Variants in BCO2 observed in about 807,000 individuals in gnomAD.
BCO2 encodes carotenoid-cleaving dioxygenase, mitochondrial.
A neutral mutation model predicts 65.8 loss-of-function variants in BCO2; 56 were observed. The ratio of observed to expected loss-of-function variants is 0.85; its 90% CI spans 0.69 to 1.06. BCO2 has a LOEUF of 1.06. Ranked by LOEUF, BCO2 falls within the 50% of genes least tolerant of loss-of-function variation. The pLI, the probability that BCO2 is intolerant of heterozygous loss-of-function variation, is 0.00. For synonymous variants in BCO2, 233 were observed against 242.3 expected, an observed-to-expected ratio of 0.96 and a Z score of 0.36; for missense variants, 675 against 698.5, an observed-to-expected ratio of 0.97 and a Z score of 0.38.
chr11:112,214,680 G>C (rs1859606163), intron 9 of BCO2, 82 bp from the exon 10 acceptor site: 1 of 1,128,328 alleles, frequency 8.9e-7, no homozygotes, highest in African/African-American at 1.6e-5. Flanking sequence ...ACCTTTATAG[G>C]GTATGAGGCT....
At chr11:112,176,496 T>C (rs923908532) in intron 1 of BCO2, 2 of 107,038 alleles carry the variant, frequency 1.9e-5, no homozygotes, top group Non-Finnish European at 3.4e-5. Flanking sequence ...GGAAATATCC[T>C]AGATGAAGAA....
rs759558199 is a variant in BCO2 at position 112,217,870 on chromosome 11, T to A, written c.1736T>A (p.Ile579Asn). 6.2e-7 allele frequency: 1 copy of A among 1,602,780 alleles called. No homozygotes were observed. Among genetic ancestry groups the A allele is most frequent in the South Asian group, 1.1e-5 (1 of 90,254 alleles). The change falls in exon 12 of 12, where the codon ATC becomes AAC. Residue 579 changes from isoleucine (I) to asparagine (N), a missense_variant. Transcript: ENST00000357685. Reference sequence around the variant, plus strand: ...GGGTTCCATGGTACCTTCATACCCATCTGATGGGACAACCACAAGGTCTGG... The same window carrying A: ...GGGTTCCATGGTACCTTCATACCCAACTGATGGGACAACCACAAGGTCTGG... Reference protein sequence around the residue: ...PYGFHGTFIPI With the variant: ...PYGFHGTFIPN
intron 11 of BCO2, among the ~76,000 whole-genome samples, chr11:112,216,884 T>C (rs890778559): frequency 6.6e-6 from 1 of 152,198 alleles, no homozygotes; most frequent in South Asian, 2.1e-4. Flanking sequence ...TAATTATTAG[T>C]GGCTGCCTGG....
In BCO2 at chr11:112,199,718, T is replaced by G. The variant is rs1449760579; in HGVS notation, c.756T>G (p.Ile252Met). The G allele has an allele frequency of 1.9e-6, 3 of 1,613,624 alleles. No homozygotes were observed. Among genetic ancestry groups the G allele is most frequent in the Non-Finnish European group, 2.5e-6 (3 of 1,179,642 alleles). ...FGPYGFSYKVIRVPPEKVDLG... is the reference protein window; with the variant it reads ...FGPYGFSYKVMRVPPEKVDLG... Reference sequence around the variant, plus strand: ...TTTCAGGTTTCTCCTATAAGGTTATTCGGGTTCCTCCAGAGAAGGTGGACC... The same window carrying G: ...TTTCAGGTTTCTCCTATAAGGTTATGCGGGTTCCTCCAGAGAAGGTGGACC... The change falls in exon 6 of 12, where the codon ATT becomes ATG. Residue 252 changes from isoleucine (I) to methionine (M), a missense_variant. By Grantham distance (10) the Ile-to-Met change is conservative (BLOSUM62 1). Transcript: ENST00000357685.
chr11:112,176,331 T>C (rs1345618845), intron 1 of BCO2: 1 of 151,994 alleles, frequency 6.6e-6, no homozygotes, highest in Non-Finnish European at 1.5e-5. Context: ...TAAGATAAGG[T>C]CCATATGAGA....
intron 7 of BCO2, 107 bp downstream of exon 7, chr11:112,200,880 C>G (rs1027674283): frequency 8.1e-7 from 1 of 1,232,804 alleles, no homozygotes; most frequent in African/African-American, 1.5e-5. Context: ...GCATAAGACA[C>G]TTTTAATCAA....
chr11:112,183,291 A>T, intron 2 of BCO2: 1 of 654,860 alleles, frequency 1.5e-6, no homozygotes, highest in Non-Finnish European at 2.8e-6. Flanking sequence ...ATAACACTAT[A>T]AGGAAATTTT....
chr11:112,180,425 C>G (rs1248894518), intron 2 of BCO2, among the ~76,000 whole-genome samples: 1 of 152,114 alleles, frequency 6.6e-6, no homozygotes, highest in Non-Finnish European at 1.5e-5. Flanking sequence ...AAGCTCTGTT[C>G]CCCCACTAGA....
At chr11:112,177,302 G>A (rs1481371357) in intron 1 of BCO2, among the ~76,000 whole-genome samples, 2 of 152,146 alleles carry the variant, frequency 1.3e-5, no homozygotes, top group Non-Finnish European at 2.9e-5. Flanking sequence ...ATTTTAGTAT[G>A]CTTAAGAATA....
chr11:112,197,667 A>G (rs565706733), intron 5 of BCO2, among the ~76,000 whole-genome samples: 2 of 152,184 alleles, frequency 1.3e-5, no homozygotes, highest in Non-Finnish European at 2.9e-5. Flanking sequence ...TCTCACTTGA[A>G]TGACTGCAAT....
In BCO2 at chr11:112,214,899, G is replaced by C. The variant is rs1566802403; in HGVS notation, c.1470G>C (p.Val490=). 1 of 1,614,168 alleles carries C rather than the reference G, an allele frequency of 6.2e-7. No individual in the cohort carries two copies. The highest frequency in any genetic ancestry group is 8.5e-7 in the Non-Finnish European group (1 of 1,180,010). ...ATGGCTGTGGCTTTCGGCATTTAGTGGGGGATTCTCTGATCAAGGTTGATG... is the reference window on the plus strand; with the variant it reads ...ATGGCTGTGGCTTTCGGCATTTAGTCGGGGATTCTCTGATCAAGGTTGATG... ...FFYGCGFRHL[V]GDSLIKVDVV... The change falls in exon 10 of 12, where the codon GTG becomes GTC. Residue 490 remains valine (V), a synonymous_variant. Transcript: ENST00000357685.
intron 2 of BCO2, among the ~76,000 whole-genome samples, chr11:112,186,604 T>C (rs778138482): frequency 1.3e-5 from 2 of 152,234 alleles, no homozygotes; most frequent in Non-Finnish European, 2.9e-5. Context: ...AACAGATCCA[T>C]GTCAGCATGC....
At chr11:112,215,349 T>C in intron 10 of BCO2, 1 of 246,616 alleles carries the variant, frequency 4.1e-6, no homozygotes, top group South Asian at 5.0e-5. Context: ...GAATATTCTA[T>C]TGACAGCCTG....
chr11:112,207,840 T>A (rs12270160), intron 8 of BCO2, among the ~76,000 whole-genome samples: 2,890 of 152,264 alleles, frequency 0.019, 99 homozygotes, highest in African/African-American at 0.065. Flanking sequence ...ATGTTTATAG[T>A]TTTCTGGTTA....
chr11:112,181,366 A>G, intron 2 of BCO2: 2 of 524,882 alleles, frequency 3.8e-6, no homozygotes, highest in Non-Finnish European at 6.9e-6. Flanking sequence ...TATTTTTAGT[A>G]GAGACGGGGT....
intron 8 of BCO2, 23 bp downstream of exon 8, chr11:112,202,213 A>G: frequency 1.3e-6 from 2 of 1,584,344 alleles, no homozygotes; most frequent in Non-Finnish European, 8.6e-7. Context: ...ATTTGTCAAG[A>G]GTCATCAAAA....
intron 2 of BCO2, chr11:112,181,311 A>G: frequency 1.8e-6 from 1 of 545,000 alleles, no homozygotes; most frequent in Non-Finnish European, 3.3e-6. Flanking sequence ...CCTCCCAAGT[A>G]GCTGGGACTA....
At position 112,203,545 on chromosome 11, in the gene BCO2, A is replaced by G. The variant is rs1180035282; in HGVS notation, c.1194+1355A>G. Among the ~76,000 whole-genome samples the G allele has an allele frequency of 2.0e-5, 3 of 152,360 alleles. No homozygotes were observed. The East Asian group carries it at 5.8e-4, about 29-fold the overall frequency. On this transcript the variant is annotated intron_variant, in intron 8 of 11. Transcript: ENST00000357685. ...ACATGTAAATATTAAAATGGTTAGT[A>G]TAGTGAGGCAGATTAACATATCTAT...
chr11:112,194,827 A>G, intron 5 of BCO2, 72 bp downstream of exon 5: 2 of 1,102,652 alleles, frequency 1.8e-6, no homozygotes, highest in East Asian at 2.5e-5. Context: ...GATGAATACT[A>G]CAGGTTTGTT....
Sources: gnomAD v4.1 joint callset for allele counts (sites outside exome capture counted in the v4.1 genomes callset) on GRCh38, gnomAD v4.1.1 for gene constraint, MANE v1.5 for transcripts, NCBI Gene and HGNC (gene_info 2026-07-23, HGNC 2026-07-21) for gene names.